The following HSDL2 variants were observed in gnomAD, a reference collection of about 807,000 sequenced individuals.
HSDL2 encodes hydroxysteroid dehydrogenase-like protein 2.
A neutral mutation model predicts 46.3 loss-of-function variants in HSDL2; 27 were observed. That is an observed-to-expected ratio of 0.58 (90% CI 0.43 to 0.80). The LOEUF (loss-of-function observed/expected upper bound fraction) is 0.80, where lower values mean the gene tolerates loss of function less well. Among genes scored for constraint, HSDL2 ranks in the 30% least tolerant of loss-of-function variants. HSDL2 has a pLI of 0.00. For missense variants in HSDL2, 451 were observed against 502.7 expected, an observed-to-expected ratio of 0.90 and a Z score of 0.98; for synonymous variants, 153 against 163.6, an observed-to-expected ratio of 0.94 and a Z score of 0.50.
intron 6 of HSDL2, among the ~76,000 whole-genome samples, chr9:112,430,819 C>T (rs1486397787): frequency 2.6e-5 from 4 of 151,894 alleles, no homozygotes; most frequent in Non-Finnish European, 5.9e-5. Context: ...TGGGGAGGCC[C>T]AGGTGGGTGA....
intron 6 of HSDL2, among the ~76,000 whole-genome samples, chr9:112,419,997 T>C (rs1564116477): frequency 1.3e-5 from 2 of 152,192 alleles, no homozygotes; most frequent in South Asian, 2.1e-4. Flanking sequence ...CATTTTTCCA[T>C]GTACTAGTGG....
intron 2 of HSDL2, 39 bp from the exon 3 acceptor site, chr9:112,405,585 A>C: frequency 7.2e-7 from 1 of 1,390,662 alleles, no homozygotes; most frequent in Non-Finnish European, 1.0e-6. Flanking sequence ...TAATATTTAA[A>C]TGCTTTAACG....
chr9:112,401,068 T>G (rs1831580159), intron 1 of HSDL2, among the ~76,000 whole-genome samples: 1 of 152,222 alleles, frequency 6.6e-6, no homozygotes, highest in Non-Finnish European at 1.5e-5. Context: ...TATTGATTGA[T>G]AACATCCCTT....
chr9:112,391,491 A>T (rs1480189934), intron 1 of HSDL2, among the ~76,000 whole-genome samples: 1 of 152,184 alleles, frequency 6.6e-6, no homozygotes, highest in Non-Finnish European at 1.5e-5. Context: ...AATTTCTGCT[A>T]ATCAAAAGAC....
At chr9:112,443,369 A>G (rs1178958131) in intron 8 of HSDL2, among the ~76,000 whole-genome samples, 1 of 152,128 alleles carries the variant, frequency 6.6e-6, no homozygotes, top group Non-Finnish European at 1.5e-5. Flanking sequence ...CCCAAGACAG[A>G]TACTCCCCTC....
At chr9:112,396,058 C>T (rs564539042) in intron 1 of HSDL2, among the ~76,000 whole-genome samples, 1 of 152,238 alleles carries the variant, frequency 6.6e-6, no homozygotes, top group South Asian at 2.1e-4. Context: ...GGACTGAGAC[C>T]GAGTCCTGGA....
chr9:112,462,003 C>T (rs1037934017), intron 10 of HSDL2, among the ~76,000 whole-genome samples: 1 of 152,158 alleles, frequency 6.6e-6, no homozygotes, highest in African/African-American at 2.4e-5. Context: ...TGGTTTAGAT[C>T]GGGAGCAAGT....
intron 4 of HSDL2, among the ~76,000 whole-genome samples, chr9:112,411,453 T>G (rs1384855209): frequency 6.6e-6 from 1 of 152,206 alleles, no homozygotes; most frequent in Non-Finnish European, 1.5e-5. Flanking sequence ...TGCAGGCAGA[T>G]CACCTGAGGT....
At chr9:112,405,752 G>A in intron 3 of HSDL2, 30 bp downstream of exon 3, 1 of 1,314,330 alleles carries the variant, frequency 7.6e-7, no homozygotes, top group Non-Finnish European at 1.1e-6. Context: ...AAAATTATTG[G>A]ATATTGGTAA....
rs963959254 is a variant in HSDL2, at chr9:112,454,005, T to C, written c.866-8T>C. On this transcript the variant is annotated splice_region_variant and splice_polypyrimidine_tract_variant and intron_variant, in intron 8 of 10. Coordinates refer to ENST00000398805, the MANE Select transcript of HSDL2 (RefSeq NM_032303.5). ...ATTAAGGTCATTTGCTTCAATAATA[T>C]CTTATAGGTGCTGTTCCAGAATTCA... 1.9e-6 allele frequency: 3 copies of C among 1,611,110 alleles called. No individual in the cohort carries two copies. Among genetic ancestry groups the C allele is most frequent in the African/African-American group, 1.3e-5 (1 of 74,680 alleles).
intron 1 of HSDL2, among the ~76,000 whole-genome samples, chr9:112,387,516 A>G (rs537539305): frequency 6.6e-6 from 1 of 152,028 alleles, no homozygotes; most frequent in Non-Finnish European, 1.5e-5. Flanking sequence ...CACCATGCCT[A>G]CCTAGGATTT....
At chr9:112,464,213 G>C (rs915600485) in intron 10 of HSDL2, among the ~76,000 whole-genome samples, 1 of 146,622 alleles carries the variant, frequency 6.8e-6, no homozygotes, top group East Asian at 2.1e-4. Context: ...CACACACACA[G>C]ACACACACAC....
At chr9:112,470,047 T>C (rs1351717373) in intron 10 of HSDL2, among the ~76,000 whole-genome samples, 2 of 152,222 alleles carry the variant, frequency 1.3e-5, no homozygotes, top group African/African-American at 4.8e-5. Flanking sequence ...ATTTACACCA[T>C]TTGGTTTTTT....
At chr9:112,435,115 C>T (rs1042661459) in intron 6 of HSDL2, among the ~76,000 whole-genome samples, 1 of 152,018 alleles carries the variant, frequency 6.6e-6, no homozygotes, top group Non-Finnish European at 1.5e-5. Context: ...GAGAAATACT[C>T]AATGGCCCAC....
chr9:112,392,794 A>G (rs1217261468), intron 1 of HSDL2, among the ~76,000 whole-genome samples: 1 of 152,250 alleles, frequency 6.6e-6, no homozygotes, highest in African/African-American at 2.4e-5. Context: ...CACAATTATC[A>G]CAGTGGTCCT....
At chr9:112,458,320 C>CTT (rs202071222) in intron 9 of HSDL2, among the ~76,000 whole-genome samples, 3 of 119,590 alleles carry the variant, frequency 2.5e-5, no homozygotes, top group Non-Finnish European at 3.7e-5. Context: ...ACCACTTCTT[C>CTT]TTTTTTTTTT....
intron 4 of HSDL2, among the ~76,000 whole-genome samples, chr9:112,412,813 A>G (rs1043148991): frequency 6.6e-6 from 1 of 152,170 alleles, no homozygotes; most frequent in Non-Finnish European, 1.5e-5. Flanking sequence ...TGCAATTAAA[A>G]ACAAAACAGA....
chr9:112,430,456 CT>C (rs1430423474), intron 6 of HSDL2, among the ~76,000 whole-genome samples: 3 of 152,108 alleles, frequency 2.0e-5, no homozygotes, highest in Admixed American at 1.3e-4. Context: ...TTAGATTACT[CT>C]GGGTGAAATG....
intron 7 of HSDL2, 51 bp from the exon 8 acceptor site, chr9:112,441,648 C>G: frequency 8.3e-7 from 1 of 1,208,098 alleles, no homozygotes; most frequent in Non-Finnish European, 1.2e-6. Context: ...ATGTTAAAAT[C>G]TTACTATGTT....
Sources: allele counts gnomAD v4.1 joint callset (sites outside exome capture counted in the v4.1 genomes callset), GRCh38; gene constraint gnomAD v4.1.1; transcripts MANE v1.5; gene names NCBI Gene and HGNC (gene_info 2026-07-23, HGNC 2026-07-21).